The following JMJD7 variants were observed in gnomAD, a reference collection of about 807,000 sequenced individuals.
JMJD7 encodes the protein bifunctional peptidase and (3S)-lysyl hydroxylase JMJD7.
JMJD7 carries 41 observed loss-of-function variants against 41.1 expected under a neutral mutation model. The ratio of observed to expected loss-of-function variants is 1.00; its 90% CI spans 0.78 to 1.30. JMJD7 has a LOEUF of 1.30. JMJD7 is among the 50% of genes most tolerant of loss of function. JMJD7 has a pLI of 0.00. For synonymous variants in JMJD7, 202 were observed against 177.2 expected (o/e 1.14, Z -1.11); for missense variants, 480 against 420.7 (o/e 1.14, Z -1.23).
chr15:41,832,358 C>G (rs545215803), intron 1 of JMJD7: 1 of 185,402 alleles, frequency 5.4e-6, no homozygotes, highest in South Asian at 1.1e-4. Flanking sequence ...GCTGGTAAAG[C>G]AACACCCCAA....
In JMJD7 at chr15:41,836,076, A is replaced by C. The variant is rs182701398; in HGVS notation, c.530-72A>C. The C allele has an allele frequency of 5.1e-5, 75 of 1,469,508 alleles. No individual in the cohort carries two copies. The Middle Eastern group carries it at 3.1e-3, about 60-fold the overall frequency. The allele number at this position is 1,469,508 out of a possible 1,614,324, so 91.0% of individuals were successfully genotyped here. A position where few individuals can be genotyped will look rare whatever the true frequency, so the allele number is the denominator to read the frequency against. On this transcript the variant is annotated intron_variant, in intron 4 of 7. Transcript: ENST00000397299. ...GGACGTCTTGGGGTGCAGGGCTCTC[A>C]GCATGATGGTTTGCCTCCTCCCGTG...
chr15:41,832,956 C>G (rs2065250339), intron 1 of JMJD7, among the ~76,000 whole-genome samples: 1 of 152,134 alleles, frequency 6.6e-6, no homozygotes, highest in Non-Finnish European at 1.5e-5. Flanking sequence ...AAGGTACCAC[C>G]TGAATAGAGG....
At chr15:41,830,836 C>T (rs1265936370) in intron 1 of JMJD7, among the ~76,000 whole-genome samples, 2 of 152,262 alleles carry the variant, frequency 1.3e-5, no homozygotes, top group Non-Finnish European at 2.9e-5. Context: ...CCTTGGCCCC[C>T]TCTGGCCTTT....
rs193134149 is a variant in JMJD7 at position 41,837,526 on chromosome 15, A to G, written c.*370A>G. On this transcript the variant is annotated 3_prime_UTR_variant, in exon 8 of 8. Transcript: ENST00000397299. ...TGTTGTGGGCTTGGAGATGATGTCT[A>G]TGAGGACCAGCATGGAGCTGGCACA... The G allele has an allele frequency of 2.7e-5, 7 of 257,550 alleles. No homozygotes were observed. The highest frequency in any genetic ancestry group is 1.8e-4 in the East Asian group (2 of 11,248). The allele number at this position is 257,550 out of a possible 1,614,324, so 16.0% of individuals were successfully genotyped here. A position where few individuals can be genotyped will look rare whatever the true frequency, so the allele number is the denominator to read the frequency against.
chr15:41,833,988 G>A (rs1481091243), intron 1 of JMJD7, among the ~76,000 whole-genome samples: 1 of 152,136 alleles, frequency 6.6e-6, no homozygotes. Context: ...GGGAGTGAAG[G>A]AGAAAGCTGA....
chr15:41,831,100 G>T (rs893419746), intron 1 of JMJD7, among the ~76,000 whole-genome samples: 7 of 152,194 alleles, frequency 4.6e-5, no homozygotes, highest in Admixed American at 4.6e-4. Context: ...GCCCACCCAT[G>T]GCTGCCCATG....
chr15:41,828,097 C>T lies in JMJD7; in HGVS notation c.-28C>T, dbSNP rs779961936. On this transcript the variant is annotated 5_prime_UTR_variant, in exon 1 of 8. Coordinates refer to ENST00000397299, the MANE Select transcript of JMJD7 (RefSeq NM_001114632.2). ...CCTGCGGCGGGGCGTCGGGGAAAGG[C>T]GGGGTCTCGGCCGGCGCTGACGCAG... The T allele has an allele frequency of 4.6e-5, 65 of 1,420,218 alleles. No individual in the cohort carries two copies. The highest frequency in any genetic ancestry group is 4.9e-5 in the Non-Finnish European group (53 of 1,090,886). The allele number at this position is 1,420,218 out of a possible 1,614,324, so 88.0% of individuals were successfully genotyped here. A position where few individuals can be genotyped will look rare whatever the true frequency, so the allele number is the denominator to read the frequency against.
At chr15:41,833,417 T>TAA (rs1567164857) in intron 1 of JMJD7, among the ~76,000 whole-genome samples, 3 of 79,548 alleles carry the variant, frequency 3.8e-5, no homozygotes, top group Non-Finnish European at 7.6e-5. Flanking sequence ...TATATATATT[T>TAA]TTTTTTTTTT....
At chr15:41,830,418 G>A (rs1005529055) in intron 1 of JMJD7, among the ~76,000 whole-genome samples, 4 of 152,246 alleles carry the variant, frequency 2.6e-5, no homozygotes, top group Non-Finnish European at 4.4e-5. Context: ...TGGGGAAAAC[G>A]TGAAGAGGAG....
chr15:41,831,733 G>T (rs1241506293), intron 1 of JMJD7, among the ~76,000 whole-genome samples: 1 of 152,114 alleles, frequency 6.6e-6, no homozygotes, highest in Admixed American at 6.5e-5. Flanking sequence ...GCCCACTGTG[G>T]GTCTCCTCTG....
chr15:41,836,299 GA>G, intron 5 of JMJD7, 56 bp downstream of exon 5: 1 of 1,604,032 alleles, frequency 6.2e-7, no homozygotes, highest in Non-Finnish European at 8.5e-7. Flanking sequence ...AAGGGGGAGG[GA>G]GGCAGCAAGA....
At chr15:41,835,670 G>T in intron 4 of JMJD7, 26 bp downstream of exon 4, 1 of 1,608,884 alleles carries the variant, frequency 6.2e-7, no homozygotes, top group Non-Finnish European at 8.5e-7. Context: ...ATACAAAGGT[G>T]GGGAAGGAGC....
At chr15:41,828,282 G>T in intron 1 of JMJD7, 94 bp downstream of exon 1, 3 of 1,389,520 alleles carry the variant, frequency 2.2e-6, no homozygotes, top group South Asian at 3.1e-5. Context: ...TCGTGTGTGC[G>T]ACTGCCCTGA....
At chr15:41,834,947 G>C (rs768883637) in intron 2 of JMJD7, 23 bp from the exon 3 acceptor site, 2 of 1,613,744 alleles carry the variant, frequency 1.2e-6, no homozygotes, top group Non-Finnish European at 8.5e-7. Context: ...ATCTGGGCAT[G>C]GGCTGAGTGT....
intron 1 of JMJD7, chr15:41,828,647 T>TC (rs2065179268): frequency 6.4e-6 from 1 of 157,190 alleles, no homozygotes; most frequent in Non-Finnish European, 1.4e-5. Context: ...CCTCCTTCCT[T>TC]CTTTTTTCTA....
At chr15:41,830,781 C>T (rs988511174) in intron 1 of JMJD7, among the ~76,000 whole-genome samples, 4 of 152,228 alleles carry the variant, frequency 2.6e-5, no homozygotes, top group Admixed American at 6.5e-5. Context: ...AAGTTGAGGC[C>T]GAGCCTGGGT....
At chr15:41,836,267 G>A (rs549674184) in intron 5 of JMJD7, 24 bp downstream of exon 5, 24 of 1,611,614 alleles carry the variant, frequency 1.5e-5, no homozygotes, top group Non-Finnish European at 1.9e-5. Flanking sequence ...CCTGCAGGGA[G>A]GGGCTGGGGA....
At chr15:41,833,414 A>ATATATTTTTTTTTTT (rs1239528383) in intron 1 of JMJD7, among the ~76,000 whole-genome samples, 10 of 32,014 alleles carry the variant, frequency 3.1e-4, no homozygotes, top group Non-Finnish European at 5.5e-4. Flanking sequence ...ATATATATAT[A>ATATATTTTTTTTTTT]TTTTTTTTTT....
At chr15:41,830,684 C>T (rs1457046871) in intron 1 of JMJD7, among the ~76,000 whole-genome samples, 1 of 152,218 alleles carries the variant, frequency 6.6e-6, no homozygotes, top group Non-Finnish European at 1.5e-5. Context: ...CCCAGGAAGG[C>T]CCCTTCCTGC....
Sources: gnomAD v4.1 joint callset for allele counts (sites outside exome capture counted in the v4.1 genomes callset) on GRCh38, gnomAD v4.1.1 for gene constraint, MANE v1.5 for transcripts, NCBI Gene and HGNC (gene_info 2026-07-23, HGNC 2026-07-21) for gene names.